Variants in PTPRM observed in about 807,000 individuals in gnomAD.
PTPRM encodes the protein protein tyrosine phosphatase receptor type M.
Under a neutral mutation model 186.7 loss-of-function variants are expected in PTPRM, and 47 were observed. The observed-to-expected ratio is 0.25, with a 90% CI of 0.20 to 0.32. The LOEUF is 0.32. Ranked by LOEUF, PTPRM falls within the 10% of genes least tolerant of loss-of-function variation. PTPRM has a pLI of 1.00. For synonymous variants in PTPRM, 668 were observed against 674.9 expected (o/e 0.99, Z 0.16); for missense variants, 1,494 against 1,865.0 (o/e 0.80, Z 3.66).
At chr18:7,885,220 C>A (rs765932015) in intron 2 of PTPRM, among the ~76,000 whole-genome samples, 2 of 152,084 alleles carry the variant, frequency 1.3e-5, no homozygotes, top group East Asian at 1.9e-4. Context: ...TTGCTGTGAA[C>A]GTAAAAATAT....
chr18:7,859,805 C>T (rs1036330569), intron 2 of PTPRM, among the ~76,000 whole-genome samples: 1 of 152,180 alleles, frequency 6.6e-6, no homozygotes, highest in African/African-American at 2.4e-5. Context: ...ATACTCTGAT[C>T]TGCTGTGCCT....
chr18:8,113,535 A>G lies in PTPRM; in HGVS notation c.1906A>G (p.Thr636Ala). Residue 636 changes from threonine (T) to alanine (A), a missense_variant, in exon 12 of 33, where the codon ACG becomes GCG. Coordinates refer to ENST00000580170, the MANE Select transcript of PTPRM (RefSeq NM_001105244.2). The part of the protein sequence containing the change: ...EEERPRRTKK[T>A]TEILKCYPVP... ...AGAACGTCCTCGAAGAACTAAAAAG[A>G]CGACAGAAATCTTAAAGTGCTACCC... 2 of 1,613,816 alleles carry G rather than the reference A, an allele frequency of 1.2e-6. No homozygotes were observed. The highest frequency in any genetic ancestry group is 2.2e-5 in the South Asian group (2 of 91,056).
intron 7 of PTPRM, among the ~76,000 whole-genome samples, chr18:8,057,425 C>CTTTTTTTTTTTTTTTTTTTTTTTGTTT (rs763829289): frequency 9.8e-6 from 1 of 102,562 alleles, no homozygotes; most frequent in Non-Finnish European, 1.9e-5. Context: ...TGTGATACTT[C>CTTTTTTTTTTTTTTTTTTTTTTTGTTT]TTTTTTTTTT....
intron 1 of PTPRM, among the ~76,000 whole-genome samples, chr18:7,717,502 T>C (rs1407069976): frequency 1.3e-5 from 2 of 152,202 alleles, no homozygotes; most frequent in African/African-American, 4.8e-5. Context: ...AGTTCATTCA[T>C]GTGATCTCAT....
chr18:7,945,927 A>G (rs945515810), intron 5 of PTPRM, among the ~76,000 whole-genome samples: 1 of 150,712 alleles, frequency 6.6e-6, no homozygotes. Flanking sequence ...AGCTAAAACG[A>G]TTGCTGCTTG....
chr18:7,843,817 T>G (rs181551108), intron 2 of PTPRM, among the ~76,000 whole-genome samples: 4 of 152,314 alleles, frequency 2.6e-5, no homozygotes, highest in Middle Eastern at 3.4e-3. Flanking sequence ...TTATCTCTGT[T>G]CCATCATGTG....
At chr18:8,343,864 TCC>T (rs386800949) in intron 23 of PTPRM, among the ~76,000 whole-genome samples, 119,922 of 151,570 alleles carry the variant, frequency 0.79, 48,919 homozygotes, top group Middle Eastern at 0.93. Flanking sequence ...CTTCCCAAAC[TCC>T]CAAAATTGGC....
At chr18:8,401,691 C>G (rs2095872994) in intron 32 of PTPRM, among the ~76,000 whole-genome samples, 1 of 152,260 alleles carries the variant, frequency 6.6e-6, no homozygotes, top group Non-Finnish European at 1.5e-5. Context: ...GCAGCCTGCG[C>G]AGACGACAAG....
intron 7 of PTPRM, among the ~76,000 whole-genome samples, chr18:7,999,927 T>G (rs1302378942): frequency 6.6e-6 from 1 of 152,088 alleles, no homozygotes; most frequent in African/African-American, 2.4e-5. Flanking sequence ...TGGTTCCAGT[T>G]GTAAAGGCAG....
At chr18:7,743,781 G>A (rs2040930371) in intron 1 of PTPRM, among the ~76,000 whole-genome samples, 2 of 152,160 alleles carry the variant, frequency 1.3e-5, no homozygotes, top group Admixed American at 1.3e-4. Flanking sequence ...ACCTATGCTT[G>A]TTCCTTAAAC....
intron 7 of PTPRM, among the ~76,000 whole-genome samples, chr18:8,067,474 T>C (rs999882158): frequency 1.3e-5 from 2 of 152,218 alleles, no homozygotes; most frequent in Non-Finnish European, 2.9e-5. Context: ...CCACTCACGA[T>C]TTCTTGGAGG....
intron 31 of PTPRM, 86 bp from the exon 32 acceptor site, chr18:8,394,390 G>A (rs2095835242): frequency 6.9e-7 from 1 of 1,451,070 alleles, no homozygotes. Context: ...TGTTCCCCAG[G>A]GTTTAGACAG....
chr18:8,255,028 A>G (rs903716849), intron 19 of PTPRM, among the ~76,000 whole-genome samples: 2 of 152,378 alleles, frequency 1.3e-5, no homozygotes, highest in East Asian at 1.9e-4. Context: ...TCTTAGATTT[A>G]TCTTTAGCAA....
At chr18:8,041,321 G>GCCGT (rs1350148696) in intron 7 of PTPRM, among the ~76,000 whole-genome samples, 5 of 152,090 alleles carry the variant, frequency 3.3e-5, no homozygotes, top group African/African-American at 1.2e-4. Flanking sequence ...ATTAAATAGT[G>GCCGT]CCGTGAAAGC....
intron 4 of PTPRM, among the ~76,000 whole-genome samples, chr18:7,924,902 C>T (rs10468771): frequency 0.094 from 14,246 of 152,154 alleles, 753 homozygotes; most frequent in South Asian, 0.13. Context: ...ACTGTGGCTT[C>T]GTAAACCGAG....
chr18:8,271,887 G>A (rs533962221), intron 19 of PTPRM, among the ~76,000 whole-genome samples: 1 of 151,750 alleles, frequency 6.6e-6, no homozygotes, highest in South Asian at 2.1e-4. Context: ...CCTGCCAGAC[G>A]TTTGTCAGTT....
intron 7 of PTPRM, among the ~76,000 whole-genome samples, chr18:8,062,265 C>T (rs1301642138): frequency 1.5e-5 from 1 of 65,990 alleles, no homozygotes; most frequent in Non-Finnish European, 3.1e-5. Flanking sequence ...CCTGAGGCTT[C>T]TGCATTCTTC....
intron 2 of PTPRM, among the ~76,000 whole-genome samples, chr18:7,826,100 C>T (rs572466776): frequency 6.6e-6 from 1 of 152,298 alleles, no homozygotes; most frequent in Admixed American, 6.5e-5. Flanking sequence ...ACAATAGCAG[C>T]GTTCAGAACC....
intron 9 of PTPRM, among the ~76,000 whole-genome samples, chr18:8,077,211 A>T (rs1449338415): frequency 6.6e-6 from 1 of 152,186 alleles, no homozygotes. Context: ...CATAGAAACA[A>T]GCAGGTGTGT....
Sources: gnomAD v4.1 joint callset for allele counts (sites outside exome capture counted in the v4.1 genomes callset) on GRCh38, gnomAD v4.1.1 for gene constraint, MANE v1.5 for transcripts, NCBI Gene and HGNC (gene_info 2026-07-23, HGNC 2026-07-21) for gene names.